Variants in SEC24D observed in about 807,000 individuals in gnomAD.
The protein encoded by SEC24D is protein transport protein Sec24D.
A neutral mutation model predicts 116.9 loss-of-function variants in SEC24D; 69 were observed. That is an observed-to-expected ratio of 0.59 (90% CI 0.49 to 0.72). SEC24D has a LOEUF of 0.72. Among genes scored for constraint, SEC24D ranks in the 30% least tolerant of loss-of-function variants. SEC24D has a pLI of 0.00. For missense variants in SEC24D, 1,131 were observed against 1,264.1 expected, an observed-to-expected ratio of 0.89 and a Z score of 1.60; for synonymous variants, 405 against 442.8, an observed-to-expected ratio of 0.91 and a Z score of 1.07.
chr4:118,813,517 G>A (rs1253783619), intron 6 of SEC24D, among the ~76,000 whole-genome samples: 8 of 152,210 alleles, frequency 5.3e-5, no homozygotes, highest in Admixed American at 2.6e-4. Context: ...GGGGCTGAGC[G>A]TGCTAGCTCA....
At chr4:118,775,343 G>T (rs1728081809) in intron 8 of SEC24D, among the ~76,000 whole-genome samples, 1 of 70,462 alleles carries the variant, frequency 1.4e-5, no homozygotes, top group Non-Finnish European at 3.3e-5. Flanking sequence ...AAAGCAAAAG[G>T]TCAAAAAAAA....
intron 8 of SEC24D, among the ~76,000 whole-genome samples, chr4:118,775,478 T>G (rs1383436930): frequency 2.0e-5 from 3 of 152,066 alleles, no homozygotes; most frequent in African/African-American, 7.2e-5. Flanking sequence ...TGAGAACAGC[T>G]TAACACAGGA....
intron 8 of SEC24D, among the ~76,000 whole-genome samples, chr4:118,789,698 C>A (rs1728810349): frequency 6.6e-6 from 1 of 152,208 alleles, no homozygotes; most frequent in Non-Finnish European, 1.5e-5. Flanking sequence ...GATTCTCCTG[C>A]CTCAGCCTCC....
At chr4:118,763,857 T>G (rs1178138388) in intron 10 of SEC24D, among the ~76,000 whole-genome samples, 1 of 152,116 alleles carries the variant, frequency 6.6e-6, no homozygotes, top group Non-Finnish European at 1.5e-5. Context: ...TTAAATTCCA[T>G]GGGGATAAAT....
chr4:118,815,463 G>A lies in SEC24D; in HGVS notation c.661C>T (p.Pro221Ser), dbSNP rs1277871918. Residue 221 changes from proline to serine, a missense_variant, in exon 5 of 23, where the codon CCT (proline) becomes TCT (serine). Coordinates refer to ENST00000280551, the MANE Select transcript of SEC24D (RefSeq NM_014822.4). The stretch of plus-strand genomic sequence containing the variant: ...CTGTCCGCCTTACCCTGCTGCGGAG[G>A]ATATCCAGCACCCAAGGTCTGGCCT... ...LPGQTLGAGY[P>S]PQQANSGPQM... 1.9e-6 allele frequency: 3 copies of A among 1,613,990 alleles called. No individual in the cohort carries two copies. Among genetic ancestry groups the A allele is most frequent in the African/African-American group, 1.3e-5 (1 of 74,940 alleles).
chr4:118,772,033 AAAAC>A (rs1196960556), intron 8 of SEC24D, among the ~76,000 whole-genome samples: 3 of 152,236 alleles, frequency 2.0e-5, no homozygotes, highest in East Asian at 1.9e-4. Context: ...TTGTATTTCC[AAAAC>A]AAACACAGAT....
At chr4:118,819,639 A>G (rs1036166486) in intron 3 of SEC24D, among the ~76,000 whole-genome samples, 1 of 151,858 alleles carries the variant, frequency 6.6e-6, no homozygotes, top group Non-Finnish European at 1.5e-5. Flanking sequence ...GCAATGAGGT[A>G]TGGTTACAGA....
chr4:118,767,516 T>C (rs1727696183), intron 9 of SEC24D, among the ~76,000 whole-genome samples: 1 of 152,234 alleles, frequency 6.6e-6, no homozygotes, highest in South Asian at 2.1e-4. Flanking sequence ...TCAGCCTCAG[T>C]ATGTACCTCA....
intron 22 of SEC24D, among the ~76,000 whole-genome samples, chr4:118,727,467 T>C (rs180808488): frequency 6.6e-6 from 1 of 152,230 alleles, no homozygotes; most frequent in Non-Finnish European, 1.5e-5. Context: ...AAGGATGATC[T>C]CCATGCTTAG....
At chr4:118,794,531 G>C (rs1291124087) in intron 8 of SEC24D, among the ~76,000 whole-genome samples, 1 of 152,138 alleles carries the variant, frequency 6.6e-6, no homozygotes. Flanking sequence ...TGCTTCCTAT[G>C]ATATTTTGTT....
At chr4:118,835,244 G>A (rs1263383967) in intron 1 of SEC24D, among the ~76,000 whole-genome samples, 1 of 152,176 alleles carries the variant, frequency 6.6e-6, no homozygotes, top group Non-Finnish European at 1.5e-5. Flanking sequence ...AGAACAGGAA[G>A]CAGCCAGTTC....
At chr4:118,834,818 C>A (rs1054396153) in intron 1 of SEC24D, among the ~76,000 whole-genome samples, 7 of 152,088 alleles carry the variant, frequency 4.6e-5, no homozygotes, top group African/African-American at 7.2e-5. Context: ...CTTTTATTTG[C>A]TACAATTTAA....
Position 118,744,085 on chromosome 4 carries a change from G to A in SEC24D, c.1898C>T (p.Thr633Ile), listed in dbSNP as rs1726370815. ...KDCVAHGCSVTLFLFPSQYVD... is the reference protein window; with the variant it reads ...KDCVAHGCSVILFLFPSQYVD... Reference sequence around the variant, plus strand: ...ATACTGACTAGGAAAGAGGAAGAGTGTCACAGAGCAGCCGTGAGCCACGCA... The same window carrying A: ...ATACTGACTAGGAAAGAGGAAGAGTATCACAGAGCAGCCGTGAGCCACGCA... The change falls in exon 15 of 23, where the codon ACA becomes ATA. Residue 633 changes from threonine (T) to isoleucine (I), a missense_variant. By Grantham distance (89) the Thr-to-Ile change is moderately conservative. Coordinates refer to ENST00000280551, the MANE Select transcript of SEC24D (RefSeq NM_014822.4). 6.2e-7 allele frequency: 1 copy of A among 1,613,540 alleles called. No homozygotes were observed. Among genetic ancestry groups the A allele is most frequent in the Non-Finnish European group, 8.5e-7 (1 of 1,179,668 alleles).
chr4:118,726,901 T>C (rs1725444298), intron 22 of SEC24D, among the ~76,000 whole-genome samples: 1 of 152,262 alleles, frequency 6.6e-6, no homozygotes, highest in Admixed American at 6.5e-5. Context: ...TTTGTTACTC[T>C]TGATCCTTCC....
At chr4:118,734,733 C>T (rs12509236) in intron 19 of SEC24D, among the ~76,000 whole-genome samples, 38,015 of 152,050 alleles carry the variant, frequency 0.25, 6,027 homozygotes, top group East Asian at 0.44. Flanking sequence ...TTGTTTCCCC[C>T]GTCAACTTCT....
In SEC24D at chr4:118,740,683, C is replaced by T. The variant is rs745510402; in HGVS notation, c.2218G>A (p.Asp740Asn). 4 of 1,613,890 alleles carry T rather than the reference C, an allele frequency of 2.5e-6. 1 individual carries two copies. The South Asian group carries it at 4.4e-5, about 18-fold the overall frequency. ...EFKHDDKLSE[D>N]SGALIQCAVL... Reference sequence around the variant, plus strand: ...ATCACCTGGATTAAGGCTCCACTGTCTTCACTGAGTTTGTCATCGTGCTTG... The same window carrying T: ...ATCACCTGGATTAAGGCTCCACTGTTTTCACTGAGTTTGTCATCGTGCTTG... The change falls in exon 17 of 23, where the codon GAC becomes AAC. Residue 740 changes from aspartate to asparagine, a missense_variant. Transcript: ENST00000280551.
At position 118,805,917 on chromosome 4, in the gene SEC24D, C is replaced by T. The variant is rs769554485; in HGVS notation, c.839G>A (p.Gly280Glu). 6.3e-7 allele frequency: 1 copy of T among 1,595,908 alleles called. No individual in the cohort carries two copies. The highest frequency in any genetic ancestry group is 8.5e-7 in the Non-Finnish European group (1 of 1,172,276). The change falls in exon 7 of 23, where the codon GGA becomes GAA. Residue 280 changes from glycine (G) to glutamate (E), a missense_variant. Gly to Glu is a moderately conservative substitution (Grantham distance 98, BLOSUM62 -2). Transcript: ENST00000280551. ...TCTGGTGTTGGTGGCATAAACTTGTCCTCCTCTGCTGGCTCTATCATTCTC... is the reference window on the plus strand; with the variant it reads ...TCTGGTGTTGGTGGCATAAACTTGTTCTCCTCTGCTGGCTCTATCATTCTC... ...VIENDRASRGGQVYATNTRGQ... is the reference protein window; with the variant it reads ...VIENDRASRGEQVYATNTRGQ...
chr4:118,746,231 G>GGGAGGGAGGGAGGGAGGGAGGGAA (rs1553923439), intron 13 of SEC24D, among the ~76,000 whole-genome samples: 4 of 114,486 alleles, frequency 3.5e-5, no homozygotes, highest in Non-Finnish European at 3.7e-5. Flanking sequence ...GGTTGGGGGA[G>GGGAGGGAGGGAGGGAGGGAGGGAA]GGAGGGAGGG....
At chr4:118,816,884 T>C (rs1033881820) in intron 4 of SEC24D, 1 of 450,680 alleles carries the variant, frequency 2.2e-6, no homozygotes, top group African/African-American at 2.0e-5. Context: ...TGTGAAACAA[T>C]GAGTACTATA....
Sources: gnomAD v4.1 joint callset for allele counts (sites outside exome capture counted in the v4.1 genomes callset) on GRCh38, gnomAD v4.1.1 for gene constraint, MANE v1.5 for transcripts, NCBI Gene and HGNC (gene_info 2026-07-23, HGNC 2026-07-21) for gene names.